Variants in PCDH11X observed in about 807,000 individuals in gnomAD.
PCDH11X encodes the protein protocadherin 11 X-linked, also known as protocadherin-11 X-linked.
A neutral mutation model predicts 53.3 loss-of-function variants in PCDH11X; 18 were observed. The observed-to-expected ratio is 0.34, with a 90% CI of 0.23 to 0.50. The LOEUF is 0.50. PCDH11X is among the 20% of genes least tolerant of loss of function. The pLI is 0.98. For synonymous variants in PCDH11X, 279 were observed against 393.3 expected (o/e 0.71, Z 3.44); for missense variants, 570 against 1,032.4 (o/e 0.55, Z 6.14).
At chrX:92,374,740 A>G (rs1254229582) in intron 8 of PCDH11X, among the ~76,000 whole-genome samples, 1 of 111,149 alleles carries the variant, frequency 9.0e-6, no homozygotes, top group African/African-American at 3.3e-5. Flanking sequence ...CATTTAACAA[A>G]TGTTACACTG....
At chrX:92,048,784 C>T (rs150324886) in intron 6 of PCDH11X, among the ~76,000 whole-genome samples, 5,679 of 111,676 alleles carry the variant, frequency 0.051, 278 homozygotes, top group African/African-American at 0.15. Flanking sequence ...GACCATGGCC[C>T]GTGACACAGC....
chrX:92,250,203 C>A (rs1475947487), intron 7 of PCDH11X, among the ~76,000 whole-genome samples: 4 of 110,925 alleles, frequency 3.6e-5, no homozygotes, highest in African/African-American at 9.8e-5. Context: ...TATAATTAAA[C>A]CAATTTTGGA....
At chrX:92,190,029 A>G (rs201792450) in intron 6 of PCDH11X, among the ~76,000 whole-genome samples, 1 of 111,796 alleles carries the variant, frequency 8.9e-6, no homozygotes, top group Non-Finnish European at 1.9e-5. Flanking sequence ...CACTCTGATG[A>G]TAGTTTCTTT....
intron 6 of PCDH11X, among the ~76,000 whole-genome samples, chrX:92,119,324 C>T (rs1478707194): frequency 3.6e-5 from 4 of 110,674 alleles, no homozygotes; most frequent in Non-Finnish European, 3.8e-5. Context: ...CCATACTGGT[C>T]TCCAACTCCT....
intron 8 of PCDH11X, among the ~76,000 whole-genome samples, chrX:92,274,143 C>T (rs1467035525): frequency 8.4e-5 from 9 of 106,620 alleles, no homozygotes; most frequent in Non-Finnish European, 1.5e-4. Context: ...TAAAAAGGAG[C>T]GTCTATACAG....
intron 9 of PCDH11X, among the ~76,000 whole-genome samples, chrX:92,466,889 A>G (rs1261247704): frequency 9.1e-6 from 1 of 109,335 alleles, no homozygotes; most frequent in East Asian, 2.9e-4. Flanking sequence ...AAAAGCACGT[A>G]CGTTATTACT....
At chrX:92,004,286 T>C (rs747994622) in intron 6 of PCDH11X, among the ~76,000 whole-genome samples, 3 of 111,927 alleles carry the variant, frequency 2.7e-5, no homozygotes, top group East Asian at 5.6e-4. Context: ...TTAAGACATA[T>C]TTTGTGACCT....
chrX:92,575,900 G>GGT (rs1401855209), intron 10 of PCDH11X, among the ~76,000 whole-genome samples: 1 of 64,589 alleles, frequency 1.5e-5, no homozygotes, highest in African/African-American at 5.6e-5. Flanking sequence ...TAGGTTACCT[G>GGT]GTGTGTATAT....
At chrX:92,589,817 A>G in intron 10 of PCDH11X, among the ~76,000 whole-genome samples, 1 of 110,818 alleles carries the variant, frequency 9.0e-6, no homozygotes, top group Non-Finnish European at 1.9e-5. Flanking sequence ...TTAAATGATA[A>G]TAGGTCTTAC....
At chrX:91,940,893 G>A (rs2061501144) in intron 6 of PCDH11X, among the ~76,000 whole-genome samples, 1 of 109,213 alleles carries the variant, frequency 9.2e-6, no homozygotes, top group African/African-American at 3.3e-5. Flanking sequence ...TAGTCTGAAG[G>A]CAGTCTGTGA....
At chrX:91,926,731 G>A (rs1276505791) in intron 6 of PCDH11X, among the ~76,000 whole-genome samples, 1 of 110,510 alleles carries the variant, frequency 9.0e-6, no homozygotes, top group Non-Finnish European at 1.9e-5. Context: ...GGGTTACATA[G>A]TAACGTTGCA....
intron 8 of PCDH11X, among the ~76,000 whole-genome samples, chrX:92,283,401 T>C (rs1356116818): frequency 9.0e-6 from 1 of 111,653 alleles, no homozygotes; most frequent in Non-Finnish European, 1.9e-5. Context: ...TGTTGCAGTG[T>C]AATTAAAGCA....
chrX:91,841,134 A>G (rs1937510472), intron 5 of PCDH11X, among the ~76,000 whole-genome samples: 1 of 111,187 alleles, frequency 9.0e-6, no homozygotes, highest in Non-Finnish European at 1.9e-5. Flanking sequence ...GGAAAAAATG[A>G]CAACATAAAA....
chrX:92,568,054 G>A (rs941817236), intron 10 of PCDH11X, among the ~76,000 whole-genome samples: 1 of 107,874 alleles, frequency 9.3e-6, no homozygotes, highest in African/African-American at 3.4e-5. Context: ...GCTGACTTGA[G>A]TACTAGTTTG....
chrX:91,806,340 C>A (rs1373223551), intron 1 of PCDH11X, among the ~76,000 whole-genome samples: 6 of 113,351 alleles, frequency 5.3e-5, no homozygotes, highest in Non-Finnish European at 9.4e-5. Context: ...TTTGATGCTT[C>A]TCACCTTTCA....
chrX:92,148,910 G>T (rs2065380064), intron 6 of PCDH11X, among the ~76,000 whole-genome samples: 1 of 109,965 alleles, frequency 9.1e-6, no homozygotes, highest in African/African-American at 3.3e-5. Flanking sequence ...TAATGCTAAA[G>T]AATTTGAAGA....
At chrX:91,901,369 T>G (rs1178153156) in intron 6 of PCDH11X, among the ~76,000 whole-genome samples, 7 of 110,361 alleles carry the variant, frequency 6.3e-5, no homozygotes, top group Non-Finnish European at 1.3e-4. Context: ...GTGGCCTGAT[T>G]GGAATTTTAC....
chrX:92,474,132 G>A (rs1272840770), intron 10 of PCDH11X, among the ~76,000 whole-genome samples: 1 of 110,956 alleles, frequency 9.0e-6, no homozygotes, highest in Non-Finnish European at 1.9e-5. Context: ...TCTGAGTGCT[G>A]TAGTATTGAG....
intron 9 of PCDH11X, among the ~76,000 whole-genome samples, chrX:92,422,333 C>A (rs2071990285): frequency 9.2e-6 from 1 of 109,083 alleles, no homozygotes. Flanking sequence ...TCTCCTGAGT[C>A]CCCAGGGTCC....
Sources: gnomAD v4.1 joint callset for allele counts (sites outside exome capture counted in the v4.1 genomes callset) on GRCh38, gnomAD v4.1.1 for gene constraint, MANE v1.5 for transcripts, NCBI Gene and HGNC (gene_info 2026-07-23, HGNC 2026-07-21) for gene names.